The following MAGI2 variants were observed in gnomAD, a reference collection of about 807,000 sequenced individuals.
The protein encoded by MAGI2 is membrane associated guanylate kinase, WW and PDZ domain containing 2.
In MAGI2, 35 loss-of-function variants were observed where a neutral mutation model predicts 133.3. The observed-to-expected ratio is 0.26, with a 90% CI of 0.20 to 0.35. The LOEUF is 0.35. Among genes scored for constraint, MAGI2 ranks in the 10% least tolerant of loss-of-function variants. The pLI, the probability that MAGI2 is intolerant of heterozygous loss-of-function variation, is 1.00. For synonymous variants in MAGI2, 729 were observed against 710.6 expected (o/e 1.03, Z -0.41); for missense variants, 1,636 against 1,863.4 (o/e 0.88, Z 2.25).
intron 2 of MAGI2, among the ~76,000 whole-genome samples, chr7:78,904,525 CTT>C (rs10665131): frequency 5.9e-5 from 8 of 134,756 alleles, no homozygotes; most frequent in African/African-American, 8.4e-5. Flanking sequence ...TAACGCAGTT[CTT>C]TTTTTTTTTT....
intron 1 of MAGI2, among the ~76,000 whole-genome samples, chr7:79,181,078 G>C (rs1211183720): frequency 6.6e-6 from 1 of 151,902 alleles, no homozygotes; most frequent in Non-Finnish European, 1.5e-5. Flanking sequence ...CTGGCATTGA[G>C]TATCTGCAGC....
chr7:79,370,292 A>G (rs2129132724), intron 1 of MAGI2, among the ~76,000 whole-genome samples: 1 of 152,272 alleles, frequency 6.6e-6, no homozygotes, highest in South Asian at 2.1e-4. Context: ...TTATGAAAGT[A>G]TTGAATACCT....
chr7:78,699,005 T>C (rs1817793808), intron 2 of MAGI2, among the ~76,000 whole-genome samples: 2 of 152,216 alleles, frequency 1.3e-5, no homozygotes, highest in Non-Finnish European at 2.9e-5. Context: ...TACCTTTATA[T>C]ACTATTTAGA....
Position 79,007,156 on chromosome 7 carries a change from T to G in MAGI2, c.352A>C (p.Lys118Gln). The change falls in exon 2 of 22, where the codon AAG (lysine) becomes CAG (glutamine). Residue 118 changes from lysine to glutamine, a missense_variant. Physicochemically the swap from Lys to Gln is moderately conservative, Grantham distance 53. Around this residue, in one of 5 missense-constraint regions of MAGI2, gnomAD observed 148 missense variants for 239.0 expected, o/e 0.62. Coordinates refer to ENST00000354212, the MANE Select transcript of MAGI2 (RefSeq NM_012301.4). The stretch of plus-strand genomic sequence containing the variant: ...TGAAGCTCATGGTCCACAGAACCCT[T>G]TTGAAATCGTAAGTTGAGGTAGTGA... ...LRHYLNLRFQ[K>Q]GSVDHELQQI... 6.2e-7 allele frequency: 1 copy of G among 1,613,516 alleles called. No homozygotes were observed. The highest frequency in any genetic ancestry group is 8.5e-7 in the Non-Finnish European group (1 of 1,179,708).
intron 6 of MAGI2, among the ~76,000 whole-genome samples, chr7:78,473,531 GTTTC>G (rs1791437857): frequency 1.3e-5 from 2 of 151,860 alleles, no homozygotes; most frequent in Admixed American, 1.3e-4. Flanking sequence ...TGTAAAACAA[GTTTC>G]TTTCTCTCTC....
At chr7:79,046,528 A>C (rs1812200074) in intron 1 of MAGI2, among the ~76,000 whole-genome samples, 1 of 152,186 alleles carries the variant, frequency 6.6e-6, no homozygotes, top group Non-Finnish European at 1.5e-5. Context: ...ATATCTCTAA[A>C]ATTAATGCTT....
chr7:79,174,796 GTAAT>G (rs1452836487), intron 1 of MAGI2, among the ~76,000 whole-genome samples: 11 of 151,654 alleles, frequency 7.3e-5, no homozygotes, highest in Non-Finnish European at 1.2e-4. Context: ...TTTCAAAAAA[GTAAT>G]TAATTAGACA....
intron 4 of MAGI2, among the ~76,000 whole-genome samples, chr7:78,512,340 A>G (rs1795673996): frequency 6.6e-6 from 1 of 152,190 alleles, no homozygotes; most frequent in Non-Finnish European, 1.5e-5. Context: ...TTTTGGGATG[A>G]TACCTCAATC....
chr7:79,250,176 G>A (rs972346962), intron 1 of MAGI2, among the ~76,000 whole-genome samples: 2 of 152,108 alleles, frequency 1.3e-5, no homozygotes, highest in Middle Eastern at 3.4e-3. Flanking sequence ...CAGCCCCAAA[G>A]TTAGTGTGAT....
intron 1 of MAGI2, among the ~76,000 whole-genome samples, chr7:79,204,485 C>A (rs1478177612): frequency 6.6e-6 from 1 of 152,072 alleles, no homozygotes; most frequent in Non-Finnish European, 1.5e-5. Flanking sequence ...TTGCACAGGG[C>A]TTTCCCAGAC....
rs1334784403 is a variant in MAGI2, at chr7:79,105,288, CT to C, written c.302-98083del. Among the ~76,000 whole-genome samples the C allele has an allele frequency of 2.0e-5, 3 of 152,294 alleles. No individual in the cohort carries two copies. In the East Asian group the frequency reaches 5.8e-4, roughly 29 times the overall value. ...ATCCTGTATTTAAAGATTAATGATTCTTTTAGCTGCACAACTGACTTATGGA... is the reference window on the plus strand; with the variant it reads ...ATCCTGTATTTAAAGATTAATGATTCTTTAGCTGCACAACTGACTTATGGA... On this transcript the variant is annotated intron_variant, in intron 1 of 21. Transcript: ENST00000354212.
At chr7:79,150,499 G>C (rs2129546923) in intron 1 of MAGI2, among the ~76,000 whole-genome samples, 1 of 152,226 alleles carries the variant, frequency 6.6e-6, no homozygotes, top group South Asian at 2.1e-4. Context: ...ACACTTGGCA[G>C]AAATTTATAC....
chr7:78,276,676 T>C (rs986414076), intron 9 of MAGI2, among the ~76,000 whole-genome samples: 15 of 152,288 alleles, frequency 9.8e-5, no homozygotes, highest in African/African-American at 3.6e-4. Flanking sequence ...ATTGCAGTTA[T>C]GAGTTACCTT....
chr7:78,284,353 G>C (rs1002678943), intron 9 of MAGI2, among the ~76,000 whole-genome samples: 1 of 151,950 alleles, frequency 6.6e-6, no homozygotes, highest in Non-Finnish European at 1.5e-5. Context: ...TGTTCCTGAG[G>C]ACTTTTGGCA....
At chr7:78,259,659 AG>A (rs1793325300) in intron 9 of MAGI2, among the ~76,000 whole-genome samples, 1 of 152,154 alleles carries the variant, frequency 6.6e-6, no homozygotes, top group African/African-American at 2.4e-5. Flanking sequence ...GCCAAGTAAA[AG>A]TCAGAGAGGT....
At chr7:79,327,263 T>C (rs1409410694) in intron 1 of MAGI2, among the ~76,000 whole-genome samples, 1 of 152,182 alleles carries the variant, frequency 6.6e-6, no homozygotes, top group Non-Finnish European at 1.5e-5. Context: ...ACGTGTTTGA[T>C]AGTATTCTTC....
At chr7:79,156,806 TAC>T (rs2129547377) in intron 1 of MAGI2, among the ~76,000 whole-genome samples, 1 of 152,222 alleles carries the variant, frequency 6.6e-6, no homozygotes, top group East Asian at 1.9e-4. Context: ...TCAAATATTT[TAC>T]AGAGTTTGAT....
intron 3 of MAGI2, among the ~76,000 whole-genome samples, chr7:78,529,928 G>A (rs1031112702): frequency 3.3e-5 from 5 of 151,488 alleles, no homozygotes; most frequent in Admixed American, 3.3e-4. Context: ...TAATAAAAAA[G>A]TTACTGTAAT....
intron 2 of MAGI2, among the ~76,000 whole-genome samples, chr7:78,809,677 C>T (rs149403608): frequency 7.5e-4 from 114 of 151,664 alleles, no homozygotes; most frequent in African/African-American, 2.6e-3. Context: ...ATTGTGGGCA[C>T]AGAAAATCGA....
Sources: allele counts gnomAD v4.1 joint callset (sites outside exome capture counted in the v4.1 genomes callset), GRCh38; gene constraint gnomAD v4.1.1; regional missense constraint gnomAD v4.1.1; transcripts MANE v1.5; gene names NCBI Gene and HGNC (gene_info 2026-07-23, HGNC 2026-07-21).